The following LRMDA variants were observed in gnomAD, a reference collection of about 807,000 sequenced individuals.
LRMDA encodes the protein leucine-rich melanocyte differentiation-associated protein.
A neutral mutation model predicts 29.8 loss-of-function variants in LRMDA; 18 were observed. That is an observed-to-expected ratio of 0.60 (90% CI 0.42 to 0.90). The LOEUF (loss-of-function observed/expected upper bound fraction) is 0.90, where lower values mean the gene tolerates loss of function less well. LRMDA is among the 40% of genes least tolerant of loss of function. The probability of loss-of-function intolerance (pLI) is 0.00; values close to 1 mark genes in which losing one functional copy is unlikely to be tolerated. For missense variants in LRMDA, 273 were observed against 273.9 expected (o/e 1.00, Z 0.02); for synonymous variants, 125 against 109.4 (o/e 1.14, Z -0.89).
intron 5 of LRMDA, among the ~76,000 whole-genome samples, chr10:76,060,533 G>A (rs1848687493): frequency 6.6e-6 from 1 of 152,174 alleles, no homozygotes; most frequent in Admixed American, 6.5e-5. Flanking sequence ...GCTAGTAATT[G>A]TGGAGCTGGA....
At chr10:76,061,786 G>A (rs1414831956) in intron 5 of LRMDA, among the ~76,000 whole-genome samples, 1 of 152,140 alleles carries the variant, frequency 6.6e-6, no homozygotes, top group Non-Finnish European at 1.5e-5. Context: ...TTCTTCAAGT[G>A]CCCAGGACGA....
chr10:75,610,588 T>C (rs1841016703), intron 2 of LRMDA, among the ~76,000 whole-genome samples: 1 of 152,208 alleles, frequency 6.6e-6, no homozygotes, highest in Admixed American at 6.5e-5. Context: ...AGAGAGTCTC[T>C]GTCCAACTCC....
intron 6 of LRMDA, among the ~76,000 whole-genome samples, chr10:76,363,713 C>G (rs745938218): frequency 6.6e-6 from 1 of 151,902 alleles, no homozygotes; most frequent in East Asian, 1.9e-4. Context: ...GTATAACAAC[C>G]TTTTTCCATA....
chr10:75,747,053 GTTTC>G (rs907481489), intron 2 of LRMDA, among the ~76,000 whole-genome samples: 1 of 151,944 alleles, frequency 6.6e-6, no homozygotes, highest in African/African-American at 2.4e-5. Flanking sequence ...ATTTAAAGAG[GTTTC>G]TTTTTTTATT....
At chr10:75,655,917 C>T (rs1386470629) in intron 2 of LRMDA, among the ~76,000 whole-genome samples, 2 of 152,200 alleles carry the variant, frequency 1.3e-5, no homozygotes, top group African/African-American at 4.8e-5. Context: ...TCTCTCCAGC[C>T]TGTCCCCTCT....
chr10:75,925,635 G>GGCAGTGGTGGTGGTAATGGT (rs1459007805), intron 2 of LRMDA, among the ~76,000 whole-genome samples: 24 of 151,850 alleles, frequency 1.6e-4, no homozygotes, highest in Admixed American at 1.5e-3. Flanking sequence ...TGGTAATGGT[G>GGCAGTGGTGGTGGTAATGGT]GCAGCAGCAG....
chr10:76,194,200 G>T (rs1851294903), intron 5 of LRMDA, among the ~76,000 whole-genome samples: 1 of 152,172 alleles, frequency 6.6e-6, no homozygotes, highest in Admixed American at 6.5e-5. Context: ...GTTTGTAGTA[G>T]GGGAACCACT....
Position 76,291,623 on chromosome 10 carries a change from C to T in LRMDA, c.517-32778C>T, listed in dbSNP as rs547145430. Among the ~76,000 whole-genome samples the T allele has an allele frequency of 1.6e-4, 25 of 152,110 alleles. No homozygotes were observed. The East Asian group carries it at 4.5e-3, about 27-fold the overall frequency. On this transcript the variant is annotated intron_variant, in intron 5 of 6. Coordinates refer to ENST00000611255, the MANE Select transcript of LRMDA (RefSeq NM_001305581.2). ...AACGTTTGCATACTTAGCATTAATG[C>T]TCTTAAGTGGAATAGCTTGATTAAG... is the stretch of plus-strand genomic sequence containing the variant.
chr10:76,448,491 G>A (rs920310481), intron 6 of LRMDA, among the ~76,000 whole-genome samples: 8 of 152,030 alleles, frequency 5.3e-5, no homozygotes, highest in Non-Finnish European at 1.0e-4. Context: ...TCCAATGGTA[G>A]CGTAATCATT....
chr10:75,854,869 C>T lies in LRMDA; in HGVS notation c.132-181139C>T, dbSNP rs534774781. ...TGCTGAGAATGATGGTTTCCAGCTT[C>T]ATCCATGTCCCTAAAAAGGACATGA... On this transcript the variant is annotated intron_variant, in intron 2 of 6. Transcript: ENST00000611255. Among the ~76,000 whole-genome samples, 199 of 152,292 alleles carry T rather than the reference C, an allele frequency of 1.3e-3. 1 individual carries two copies. In the South Asian group the frequency reaches 0.016, roughly 12 times the overall value.
At chr10:75,788,566 T>C (rs1309184626) in intron 2 of LRMDA, among the ~76,000 whole-genome samples, 4 of 152,228 alleles carry the variant, frequency 2.6e-5, no homozygotes, top group African/African-American at 9.6e-5. Flanking sequence ...TGAATGCCAA[T>C]TGTTACATTT....
At chr10:76,269,846 T>G (rs1840046509) in intron 5 of LRMDA, among the ~76,000 whole-genome samples, 1 of 152,188 alleles carries the variant, frequency 6.6e-6, no homozygotes, top group African/African-American at 2.4e-5. Flanking sequence ...TTCCTCAAGA[T>G]TACATAGCTA....
intron 2 of LRMDA, among the ~76,000 whole-genome samples, chr10:75,529,051 T>A (rs937157113): frequency 6.6e-6 from 1 of 152,092 alleles, no homozygotes; most frequent in Non-Finnish European, 1.5e-5. Context: ...TCCAACATAA[T>A]TGAAGTTCTA....
intron 2 of LRMDA, among the ~76,000 whole-genome samples, chr10:75,574,102 C>G (rs1283475682): frequency 6.6e-6 from 1 of 151,976 alleles, no homozygotes; most frequent in East Asian, 1.9e-4. Flanking sequence ...TTATGCAGAG[C>G]TCTTAGTTCC....
rs566927130 is a variant in LRMDA, at chr10:76,554,213, G to A, written c.602-2996G>A. ...GTGATGGGGAGTGATGTCAGCTTTC[G>A]TTAGAGCCGCAGGCAGCGTTAGAAT... On this transcript the variant is annotated intron_variant, in intron 6 of 6. Coordinates refer to ENST00000611255, the MANE Select transcript of LRMDA (RefSeq NM_001305581.2). Among the ~76,000 whole-genome samples, 34 of 152,142 alleles carry A rather than the reference G, an allele frequency of 2.2e-4. 1 individual carries two copies. Among genetic ancestry groups the A allele is most frequent in the Non-Finnish European group, 3.5e-4 (24 of 68,018 alleles).
chr10:76,348,975 T>C (rs766516494), intron 6 of LRMDA, among the ~76,000 whole-genome samples: 4 of 152,156 alleles, frequency 2.6e-5, no homozygotes, highest in African/African-American at 7.2e-5. Flanking sequence ...AGGAGCCGTG[T>C]TGAGGAGGTC....
chr10:76,071,246 A>G (rs975703807), intron 5 of LRMDA, among the ~76,000 whole-genome samples: 5 of 152,338 alleles, frequency 3.3e-5, no homozygotes, highest in African/African-American at 7.2e-5. Context: ...CACATGTCCA[A>G]AGAATATTAT....
intron 2 of LRMDA, among the ~76,000 whole-genome samples, chr10:75,486,343 A>G (rs867060511): frequency 7.2e-5 from 11 of 152,200 alleles, no homozygotes; most frequent in Admixed American, 2.0e-4. Flanking sequence ...ATGAATTGAT[A>G]TTACACTTCT....
At chr10:76,094,235 C>T (rs1363045585) in intron 5 of LRMDA, among the ~76,000 whole-genome samples, 2 of 152,094 alleles carry the variant, frequency 1.3e-5, no homozygotes, top group East Asian at 1.9e-4. Context: ...CTTTCTTTCT[C>T]ATTATATAAG....
Sources: gnomAD v4.1 joint callset for allele counts (sites outside exome capture counted in the v4.1 genomes callset) on GRCh38, gnomAD v4.1.1 for gene constraint, MANE v1.5 for transcripts, NCBI Gene and HGNC (gene_info 2026-07-23, HGNC 2026-07-21) for gene names.